Variants in MAMLD1 observed in about 807,000 individuals in gnomAD.
MAMLD1 encodes mastermind like domain containing 1.
Under a neutral mutation model 45.0 loss-of-function variants are expected in MAMLD1, and 14 were observed. The observed-to-expected ratio is 0.31, with a 90% confidence interval of 0.21 to 0.49. The LOEUF (loss-of-function observed/expected upper bound fraction) is 0.49. MAMLD1 is among the 20% of genes least tolerant of loss of function. The pLI, the probability that MAMLD1 is intolerant of heterozygous loss-of-function variation, is 0.99. For missense variants in MAMLD1, 543 were observed against 603.6 expected (o/e 0.90, Z 1.05); for synonymous variants, 254 against 247.8 (o/e 1.02, Z -0.24).
chrX:150,503,493 C>T lies in MAMLD1; in HGVS notation c.2260C>T (p.Leu754=). Residue 754 remains leucine, a synonymous_variant, in exon 6 of 8, where the codon CTA becomes TTA. Coordinates refer to ENST00000370401, the MANE Select transcript of MAMLD1 (RefSeq NM_005491.5). ...GGCCTGGAGGCAGGTGCCCGCTCCA[C>T]TACTGCCTAGCTGCGACGCCACAGG... ...PKAWRQVPAP[L]LPSCDATARG... is the part of the protein sequence containing the mutation. 8.5e-7 allele frequency: 1 copy of T among 1,173,762 alleles called. No homozygotes were observed. The highest frequency in any genetic ancestry group is 1.8e-5 in the South Asian group (1 of 55,585).
chrX:150,402,010 G>A lies in MAMLD1; in HGVS notation c.-64+38480G>A, dbSNP rs1458135657. ...CATTACCATTCAGGACAAAGGCATG[G>A]ACAAGGACTTCATGTCTAAAACACC... On this transcript the variant is annotated intron_variant, in intron 1 of 7. Transcript: ENST00000370401. 4.5e-5 allele frequency among the ~76,000 whole-genome samples: 5 copies of A among 111,835 alleles called. No individual in the cohort carries two copies. The East Asian group carries it at 1.4e-3, about 31-fold the overall frequency.
chrX:150,511,126 C>G (rs1224870964), intron 7 of MAMLD1, among the ~76,000 whole-genome samples: 1 of 112,218 alleles, frequency 8.9e-6, no homozygotes, highest in African/African-American at 3.2e-5. Flanking sequence ...GGCTTGTGCT[C>G]TGACTGCACT....
At chrX:150,416,051 T>G (rs2034240906) in intron 1 of MAMLD1, among the ~76,000 whole-genome samples, 1 of 111,782 alleles carries the variant, frequency 8.9e-6, no homozygotes, top group East Asian at 2.8e-4. Context: ...TGTTGGTCGT[T>G]TTCCTGGAAC....
At chrX:150,368,664 A>C (rs1455811329) in intron 1 of MAMLD1, among the ~76,000 whole-genome samples, 45 of 111,764 alleles carry the variant, frequency 4.0e-4, no homozygotes, top group Middle Eastern at 4.7e-3. Flanking sequence ...GGCATTGCCT[A>C]GGTTTTCTTC....
chrX:150,481,964 A>AAAAGAAAAGAAAGAAAG (rs2036792714), intron 5 of MAMLD1, among the ~76,000 whole-genome samples: 1 of 56,596 alleles, frequency 1.8e-5, no homozygotes, highest in African/African-American at 7.2e-5. Context: ...AAAGAAAGAA[A>AAAAGAAAAGAAAGAAAG]AAAGAAAGAA....
intron 1 of MAMLD1, among the ~76,000 whole-genome samples, chrX:150,373,173 C>A: frequency 9.0e-6 from 1 of 111,588 alleles, no homozygotes; most frequent in South Asian, 3.8e-4. Flanking sequence ...TCTTCCTGGG[C>A]GTCCCGCACC....
intron 1 of MAMLD1, among the ~76,000 whole-genome samples, chrX:150,370,945 T>G (rs1287235380): frequency 2.7e-5 from 3 of 111,919 alleles, no homozygotes; most frequent in Non-Finnish European, 5.7e-5. Context: ...AAAAGCTCTT[T>G]GCAAAGTTTA....
chrX:150,375,088 T>G (rs112473832), intron 1 of MAMLD1, among the ~76,000 whole-genome samples: 47 of 110,433 alleles, frequency 4.3e-4, no homozygotes, highest in African/African-American at 1.6e-3. Context: ...CAAATAAGAC[T>G]TCCACAACCT....
intron 1 of MAMLD1, among the ~76,000 whole-genome samples, chrX:150,442,958 A>G (rs1210319061): frequency 3.6e-5 from 4 of 111,916 alleles, no homozygotes; most frequent in Admixed American, 1.9e-4. Context: ...TTTATTCAGC[A>G]TTTGAAAAAT....
At chrX:150,456,622 C>G (rs1557405347) in intron 2 of MAMLD1, among the ~76,000 whole-genome samples, 1 of 111,910 alleles carries the variant, frequency 8.9e-6, no homozygotes, top group African/African-American at 3.3e-5. Flanking sequence ...CTACTAGAAG[C>G]CGCATCCTGT....
At chrX:150,475,946 T>A (rs1233258234) in intron 5 of MAMLD1, among the ~76,000 whole-genome samples, 1 of 112,173 alleles carries the variant, frequency 8.9e-6, no homozygotes, top group African/African-American at 3.2e-5. Context: ...AAATACCAAA[T>A]GTCACACAAC....
chrX:150,470,606 T>C lies in MAMLD1; in HGVS notation c.1033T>C (p.Ser345Pro), dbSNP rs1435976021. The C allele has an allele frequency of 8.3e-7, 1 of 1,209,429 alleles. No homozygotes were observed. The highest frequency in any genetic ancestry group is 1.1e-6 in the Non-Finnish European group (1 of 894,973). ...GLSPPYRPVP[S>P]PHPPPLPLPP... The stretch of plus-strand genomic sequence containing the variant: ...CTCTCCACCTTACCGCCCAGTGCCA[T>C]CACCACACCCACCACCGCTGCCACT... Residue 345 changes from serine (S) to proline (P), a missense_variant, in exon 4 of 8, where the codon TCA becomes CCA. Transcript: ENST00000370401.
chrX:150,432,441 T>G (rs2034986830), intron 1 of MAMLD1, among the ~76,000 whole-genome samples: 1 of 111,940 alleles, frequency 8.9e-6, no homozygotes, highest in African/African-American at 3.2e-5. Context: ...TTTGTCAATT[T>G]TTGGGTTTTT....
At chrX:150,370,490 G>C (rs1480523523) in intron 1 of MAMLD1, among the ~76,000 whole-genome samples, 1 of 112,003 alleles carries the variant, frequency 8.9e-6, no homozygotes, top group Non-Finnish European at 1.9e-5. Flanking sequence ...TGTCAGGACA[G>C]TTAGTCAGGG....
chrX:150,383,061 C>T (rs1264380557), intron 1 of MAMLD1, among the ~76,000 whole-genome samples: 2 of 58,792 alleles, frequency 3.4e-5, no homozygotes, highest in Non-Finnish European at 3.0e-5. Flanking sequence ...CCCGCCACCA[C>T]GCCCGGCTAA....
intron 1 of MAMLD1, among the ~76,000 whole-genome samples, chrX:150,414,215 G>A (rs905799290): frequency 1.8e-4 from 20 of 110,507 alleles, no homozygotes; most frequent in African/African-American, 6.3e-4. Context: ...GGAAGCCAGC[G>A]CAAAGTGTGT....
intron 1 of MAMLD1, among the ~76,000 whole-genome samples, chrX:150,376,718 T>C (rs2032334666): frequency 9.0e-6 from 1 of 111,643 alleles, no homozygotes; most frequent in Admixed American, 9.5e-5. Context: ...ACAGTAAATA[T>C]TTAATTTTCT....
chrX:150,446,553 T>C (rs1246351664), intron 2 of MAMLD1, among the ~76,000 whole-genome samples: 2 of 112,642 alleles, frequency 1.8e-5, no homozygotes, highest in African/African-American at 6.5e-5. Flanking sequence ...GTGATTGAAA[T>C]CTTGTTTTCT....
At chrX:150,442,140 T>A (rs2035338636) in intron 1 of MAMLD1, among the ~76,000 whole-genome samples, 1 of 110,138 alleles carries the variant, frequency 9.1e-6, no homozygotes, top group Non-Finnish European at 1.9e-5. Flanking sequence ...GCATGGTGTA[T>A]CTTTTTCCAT....
Sources: allele counts gnomAD v4.1 joint callset (sites outside exome capture counted in the v4.1 genomes callset), GRCh38; gene constraint gnomAD v4.1.1; transcripts MANE v1.5; gene names NCBI Gene and HGNC (gene_info 2026-07-23, HGNC 2026-07-21).